Variants in GFRA2 observed in about 807,000 individuals in gnomAD.
GFRA2 encodes GDNF family receptor alpha-2.
In GFRA2, 17 loss-of-function variants were observed where a neutral mutation model predicts 48.3. The observed-to-expected ratio is 0.35, with a 90% confidence interval of 0.24 to 0.53. The LOEUF is 0.53. Among genes scored for constraint, GFRA2 ranks in the 20% least tolerant of loss-of-function variants. GFRA2 has a pLI of 0.93. For missense variants in GFRA2, 660 were observed against 637.3 expected, an observed-to-expected ratio of 1.04 and a Z score of -0.38; for synonymous variants, 305 against 257.2, an observed-to-expected ratio of 1.19 and a Z score of -1.78.
intron 8 of GFRA2, among the ~76,000 whole-genome samples, chr8:21,694,063 A>C (rs1296023884): frequency 8.6e-6 from 1 of 115,634 alleles, no homozygotes; most frequent in African/African-American, 4.0e-5. Flanking sequence ...ATTTATATAT[A>C]TATTTATTTA....
intron 2 of GFRA2, among the ~76,000 whole-genome samples, chr8:21,796,430 G>A (rs751206619): frequency 6.6e-6 from 1 of 152,238 alleles, no homozygotes; most frequent in Non-Finnish European, 1.5e-5. Context: ...AGTCCCAACA[G>A]CTCCACAGGC....
rs1441311219 is a variant in GFRA2 at position 21,691,998 on chromosome 8, G to C, written c.*1280C>G. The C allele has an allele frequency of 6.6e-6, 1 of 152,628 alleles. No homozygotes were observed. The highest frequency in any genetic ancestry group is 1.5e-5 in the Non-Finnish European group (1 of 68,042). 9.5% of individuals were successfully genotyped at this position (152,628 alleles called of 1,614,324 possible). On this transcript the variant is annotated 3_prime_UTR_variant, in exon 9 of 9. Coordinates refer to ENST00000524240, the MANE Select transcript of GFRA2 (RefSeq NM_001495.5). ...GAACAAAATGGGGGCAAAACCCCAC[G>C]GGACCGAGGCAGAGGCAGCTTGCTT...
intron 2 of GFRA2, among the ~76,000 whole-genome samples, chr8:21,781,764 C>G (rs1807000177): frequency 6.6e-6 from 1 of 152,142 alleles, no homozygotes; most frequent in South Asian, 2.1e-4. Context: ...AACATGCATT[C>G]AATTAATAAA....
At chr8:21,702,648 A>C (rs1049841298) in intron 7 of GFRA2, among the ~76,000 whole-genome samples, 157 bp downstream of exon 7, 2 of 152,220 alleles carry the variant, frequency 1.3e-5, no homozygotes, top group African/African-American at 4.8e-5. Flanking sequence ...TGCCCAAATA[A>C]AGGAACTGGT....
rs1280368734 is a variant in GFRA2 at position 21,736,068 on chromosome 8, T to TG, written c.794+14519dup. Reference sequence around the variant, plus strand: ...CCCTTCACCTTGGGAAGTCCCACGTTGGGGATCCAAGAGCTCTCTGAGGGT... The same window carrying TG: ...CCCTTCACCTTGGGAAGTCCCACGTTGGGGGATCCAAGAGCTCTCTGAGGGT... On this transcript the variant is annotated intron_variant, in intron 4 of 8. Coordinates refer to ENST00000524240, the MANE Select transcript of GFRA2 (RefSeq NM_001495.5). Among the ~76,000 whole-genome samples the TG allele has an allele frequency of 6.6e-5, 10 of 152,294 alleles. No homozygotes were observed. In the South Asian group the frequency reaches 1.9e-3, roughly 28 times the overall value.
At chr8:21,768,573 C>T (rs1013120371) in intron 3 of GFRA2, among the ~76,000 whole-genome samples, 10 of 152,156 alleles carry the variant, frequency 6.6e-5, no homozygotes, top group African/African-American at 2.2e-4. Flanking sequence ...TCTCCTGCCT[C>T]CGGGCCTGGG....
chr8:21,754,592 T>C (rs1331425032), intron 3 of GFRA2, among the ~76,000 whole-genome samples: 2 of 142,332 alleles, frequency 1.4e-5, no homozygotes, highest in East Asian at 4.5e-4. Flanking sequence ...CACTGCAACC[T>C]CTGCCTCCTG....
At chr8:21,729,278 C>T (rs537754868) in intron 4 of GFRA2, among the ~76,000 whole-genome samples, 9 of 152,202 alleles carry the variant, frequency 5.9e-5, no homozygotes, top group East Asian at 3.9e-4. Flanking sequence ...TGCAGTGAGC[C>T]GTGATCACAC....
chr8:21,774,515 C>G (rs1806596782), intron 3 of GFRA2, among the ~76,000 whole-genome samples: 1 of 152,218 alleles, frequency 6.6e-6, no homozygotes, highest in East Asian at 1.9e-4. Flanking sequence ...ATGCGGCGTG[C>G]TGAGCACTTT....
chr8:21,753,153 A>C (rs1054326249), intron 3 of GFRA2, among the ~76,000 whole-genome samples: 1 of 152,142 alleles, frequency 6.6e-6, no homozygotes, highest in Non-Finnish European at 1.5e-5. Flanking sequence ...ACACACCTCT[A>C]TATGTGTGCT....
chr8:21,726,444 C>T lies in GFRA2; in HGVS notation c.795-20403G>A, dbSNP rs760452667. Among the ~76,000 whole-genome samples the T allele has an allele frequency of 1.6e-4, 24 of 152,316 alleles. No individual in the cohort carries two copies. The East Asian group carries it at 3.9e-3, about 25-fold the overall frequency. On this transcript the variant is annotated intron_variant, in intron 4 of 8. Transcript: ENST00000524240. ...TAACAAATTACCACAAACTCAGTGG[C>T]TTAAAATAACACAAGTTTGTTCTCT...
chr8:21,719,501 T>A (rs1282172333), intron 4 of GFRA2, among the ~76,000 whole-genome samples: 4 of 152,220 alleles, frequency 2.6e-5, no homozygotes, highest in African/African-American at 9.7e-5. Context: ...GACTGTTCTA[T>A]TTCATTGAAC....
chr8:21,719,019 C>A (rs893373766), intron 4 of GFRA2, among the ~76,000 whole-genome samples: 3 of 151,978 alleles, frequency 2.0e-5, no homozygotes, highest in Non-Finnish European at 4.4e-5. Context: ...CCTCCTTGGC[C>A]CCCCCTTGCC....
intron 4 of GFRA2, among the ~76,000 whole-genome samples, chr8:21,729,549 A>G (rs774142327): frequency 5.3e-5 from 8 of 152,174 alleles, no homozygotes; most frequent in Non-Finnish European, 1.2e-4. Flanking sequence ...ACATCCGCAG[A>G]GAAAACTGGG....
At chr8:21,713,036 C>G (rs1355503055) in intron 4 of GFRA2, among the ~76,000 whole-genome samples, 1 of 145,816 alleles carries the variant, frequency 6.9e-6, no homozygotes, top group Middle Eastern at 3.6e-3. Context: ...GAGAGGGAGA[C>G]GAGGGAGAGG....
intron 3 of GFRA2, among the ~76,000 whole-genome samples, chr8:21,764,988 T>TG (rs1456145776): frequency 1.3e-5 from 2 of 152,216 alleles, no homozygotes; most frequent in African/African-American, 2.4e-5. Flanking sequence ...GGCAAGATCA[T>TG]GGGTGACCTC....
chr8:21,743,338 G>A (rs1804846958), intron 4 of GFRA2, among the ~76,000 whole-genome samples: 1 of 152,204 alleles, frequency 6.6e-6, no homozygotes, highest in Admixed American at 6.5e-5. Flanking sequence ...CCCTGAGCGA[G>A]ATTTTACTTT....
rs1052903927 is a variant in GFRA2, at chr8:21,775,030, G to A, written c.381C>T (p.Pro127=). The A allele has an allele frequency of 4.5e-5, 72 of 1,600,612 alleles. 1 individual carries two copies. The African/African-American group carries it at 7.9e-4, about 18-fold the overall frequency. Residue 127 remains proline (P), a synonymous_variant, in exon 3 of 9, where the codon CCC becomes CCT. Transcript: ENST00000524240. ...AGAGGCGGGAGGTCACCGGCTCATA[G>A]GGGGAGGCTTCGTAGAACTCCTCAC... is the stretch of plus-strand genomic sequence containing the variant. ...TEGEEFYEAS[P]YEPVTSRLSD... is the part of the protein sequence containing the mutation.
intron 3 of GFRA2, among the ~76,000 whole-genome samples, chr8:21,766,379 C>A (rs1806151271): frequency 6.6e-6 from 1 of 152,020 alleles, no homozygotes; most frequent in Non-Finnish European, 1.5e-5. Context: ...ACATAAACTC[C>A]ATACGAGCAG....
Sources: gnomAD v4.1 joint callset for allele counts (sites outside exome capture counted in the v4.1 genomes callset) on GRCh38, gnomAD v4.1.1 for gene constraint, MANE v1.5 for transcripts, NCBI Gene and HGNC (gene_info 2026-07-23, HGNC 2026-07-21) for gene names.